The following KIF23 variants were observed in gnomAD, a reference collection of about 807,000 sequenced individuals.
KIF23 encodes kinesin family member 23, also known as kinesin-like protein KIF23.
KIF23 carries 30 observed loss-of-function variants against 137.5 expected under a neutral mutation model. That is an observed-to-expected ratio of 0.22 (90% CI 0.16 to 0.30). The LOEUF (loss-of-function observed/expected upper bound fraction) is 0.30, where lower values mean the gene tolerates loss of function less well. Ranked by LOEUF, KIF23 falls within the 10% of genes least tolerant of loss-of-function variation. The pLI is 1.00. For synonymous variants in KIF23, 367 were observed against 391.1 expected, an observed-to-expected ratio of 0.94 and a Z score of 0.73; for missense variants, 920 against 1,194.3, an observed-to-expected ratio of 0.77 and a Z score of 3.38.
intron 17 of KIF23, 102 bp downstream of exon 17, chr15:69,440,179 G>A (rs1178825648): frequency 6.7e-7 from 1 of 1,495,396 alleles, no homozygotes; most frequent in African/African-American, 1.4e-5. Context: ...GTAGGGTTTT[G>A]GTGGTGGTTG....
intron 3 of KIF23, among the ~76,000 whole-genome samples, chr15:69,419,561 G>T (rs752800909): frequency 3.3e-5 from 5 of 152,010 alleles, no homozygotes; most frequent in Non-Finnish European, 5.9e-5. Context: ...TCACCTCCTC[G>T]GGTTGTATAG....
intron 3 of KIF23, among the ~76,000 whole-genome samples, chr15:69,418,098 G>T (rs540834985): frequency 5.9e-5 from 9 of 152,280 alleles, no homozygotes; most frequent in African/African-American, 2.2e-4. Context: ...AAGATGAGGG[G>T]ACCGTGGGAA....
chr15:69,444,130 TGATA>T lies in KIF23; in HGVS notation c.2422-657_2422-654del, dbSNP rs2057692777. On this transcript the variant is annotated intron_variant, in intron 19 of 23. Coordinates refer to ENST00000679126, the MANE Select transcript of KIF23 (RefSeq NM_001367805.3). This position sits in a 1 kb window ranked among gnomAD's most constrained non-coding sequence, Gnocchi z 4.2. Reference sequence around the variant, plus strand: ...GCCTAGCAACTAGTCTTTTATTGTGTGATAGAGACTGATTTGACACTGTATTATT... The same window carrying T: ...GCCTAGCAACTAGTCTTTTATTGTGTGAGACTGATTTGACACTGTATTATT... 6.6e-6 allele frequency: 1 copy of T among 152,120 alleles called. No individual in the cohort carries two copies. The highest frequency in any genetic ancestry group is 1.5e-5 in the Non-Finnish European group (1 of 68,046). 9.4% of individuals were successfully genotyped at this position (152,120 alleles called of 1,614,324 possible). A position where few individuals can be genotyped will look rare whatever the true frequency, so the allele number is the denominator to read the frequency against.
At chr15:69,430,567 A>G (rs2057331619) in intron 11 of KIF23, among the ~76,000 whole-genome samples, 1 of 152,146 alleles carries the variant, frequency 6.6e-6, no homozygotes, top group Non-Finnish European at 1.5e-5. Flanking sequence ...AGTAGGAGTG[A>G]GCTGTATGAA....
chr15:69,414,568 T>TCTCCACTC, intron 1 of KIF23, 92 bp downstream of exon 1: 6 of 1,330,758 alleles, frequency 4.5e-6, no homozygotes, highest in East Asian at 6.0e-5. Flanking sequence ...GCCGCGGCCG[T>TCTCCACTC]ACGCGGGCAG....
At chr15:69,414,686 C>G (rs1365751337) in intron 1 of KIF23, 5 of 454,454 alleles carry the variant, frequency 1.1e-5, no homozygotes, top group African/African-American at 2.0e-5. Context: ...TGCCGCGTCG[C>G]CCCCCGCCGC....
chr15:69,433,736 A>G (rs2057407932), intron 11 of KIF23, among the ~76,000 whole-genome samples: 1 of 151,798 alleles, frequency 6.6e-6, no homozygotes, highest in Admixed American at 6.6e-5. Flanking sequence ...TTTTTATTTT[A>G]TTTTATTATT....
chr15:69,441,603 T>C (rs2057622628), intron 19 of KIF23, among the ~76,000 whole-genome samples: 2 of 152,150 alleles, frequency 1.3e-5, no homozygotes, highest in Admixed American at 6.5e-5. Flanking sequence ...TAAACCTTTT[T>C]CCCCTAAGCC....
At chr15:69,416,568 A>C (rs2056914920) in intron 2 of KIF23, among the ~76,000 whole-genome samples, 1 of 152,252 alleles carries the variant, frequency 6.6e-6, no homozygotes, top group African/African-American at 2.4e-5. Context: ...CCTCGTTGCC[A>C]CTGGAGTGGG....
At chr15:69,436,421 A>G (rs1473023870) in intron 14 of KIF23, 143 bp from the exon 15 acceptor site, 25 of 1,211,234 alleles carry the variant, frequency 2.1e-5, no homozygotes, top group Admixed American at 7.5e-5. Context: ...TTTGCATACT[A>G]TGATTCTTAG....
chr15:69,443,863 T>G (rs567124765), intron 19 of KIF23: 1 of 152,242 alleles, frequency 6.6e-6, no homozygotes, highest in East Asian at 1.9e-4. Flanking sequence ...CACTGCAATT[T>G]CCACCTCCTG....
At chr15:69,417,300 A>G (rs1269353406) in intron 2 of KIF23, 83 bp from the exon 3 acceptor site, 1 of 1,215,736 alleles carries the variant, frequency 8.2e-7, no homozygotes, top group Admixed American at 2.6e-5. Flanking sequence ...TGTTTGTTGA[A>G]TGAATGAATG....
rs1229301488 is a variant in KIF23 at position 69,446,949 on chromosome 15, C to T, written c.2909+8C>T. The T allele has an allele frequency of 3.1e-6, 5 of 1,613,246 alleles. No individual in the cohort carries two copies. In the South Asian group the frequency reaches 5.5e-5, roughly 18 times the overall value. The stretch of plus-strand genomic sequence containing the variant: ...GCATCACGCACAACCCAAGTGAGTA[C>T]TGACTGTAATTGGGGTCTTGCTGTG... On this transcript the variant is annotated splice_region_variant and intron_variant, in intron 23 of 23. Coordinates refer to ENST00000679126, the MANE Select transcript of KIF23 (RefSeq NM_001367805.3).
intron 3 of KIF23, among the ~76,000 whole-genome samples, chr15:69,419,053 G>T (rs1246706580): frequency 6.6e-6 from 1 of 152,166 alleles, no homozygotes; most frequent in Non-Finnish European, 1.5e-5. Flanking sequence ...GGAGGCGGAG[G>T]TTGCAGTGAG....
chr15:69,415,409 T>C (rs2056874012), intron 1 of KIF23, among the ~76,000 whole-genome samples: 1 of 152,200 alleles, frequency 6.6e-6, no homozygotes, highest in Non-Finnish European at 1.5e-5. Context: ...AGCCTATAGA[T>C]AAATGTGAAG....
intron 15 of KIF23, among the ~76,000 whole-genome samples, chr15:69,437,618 G>T (rs980800378): frequency 6.6e-6 from 1 of 151,736 alleles, no homozygotes; most frequent in South Asian, 2.1e-4. Flanking sequence ...ACACCACCAC[G>T]CCCTGCTAAT....
Position 69,423,337 on chromosome 15 carries a change from A to C in KIF23, c.734+8A>C. 6.5e-7 allele frequency: 1 copy of C among 1,530,706 alleles called. No individual in the cohort carries two copies. Among genetic ancestry groups the C allele is most frequent in the Non-Finnish European group, 8.8e-7 (1 of 1,142,276 alleles). The allele number at this position is 1,530,706 out of a possible 1,614,324, so 94.8% of individuals were successfully genotyped here. On this transcript the variant is annotated splice_region_variant and intron_variant, in intron 7 of 23. Coordinates refer to ENST00000679126, the MANE Select transcript of KIF23 (RefSeq NM_001367805.3). Reference sequence around the variant, plus strand: ...TGATCCCATAAAACCCAAGTAAGTAATAAAGAGAGCCCCTTCTTAGCTGTT... The same window carrying C: ...TGATCCCATAAAACCCAAGTAAGTACTAAAGAGAGCCCCTTCTTAGCTGTT...
chr15:69,432,109 C>G (rs758674236), intron 11 of KIF23, among the ~76,000 whole-genome samples: 6 of 152,186 alleles, frequency 3.9e-5, no homozygotes, highest in Non-Finnish European at 8.8e-5. Flanking sequence ...GAAGGATTAA[C>G]TTTGATGGGA....
At chr15:69,441,769 TTTC>T (rs921995026) in intron 19 of KIF23, among the ~76,000 whole-genome samples, 28 of 151,806 alleles carry the variant, frequency 1.8e-4, no homozygotes, top group African/African-American at 6.8e-4. Context: ...TGGATTGGCT[TTTC>T]TTTTTTTTTT....
Sources: allele counts gnomAD v4.1 joint callset (sites outside exome capture counted in the v4.1 genomes callset), GRCh38; gene constraint gnomAD v4.1.1; non-coding constraint Gnocchi (gnomAD v3.1); transcripts MANE v1.5; gene names NCBI Gene and HGNC (gene_info 2026-07-23, HGNC 2026-07-21).